Variants in PPM1D observed in about 807,000 individuals in gnomAD.
PPM1D encodes the protein protein phosphatase, Mg2+/Mn2+ dependent 1D.
Under a neutral mutation model 58.3 loss-of-function variants are expected in PPM1D, and 52 were observed. The observed-to-expected ratio is 0.89, with a 90% CI of 0.71 to 1.12. The LOEUF is 1.12. Among genes scored for constraint, PPM1D ranks in the 50% most tolerant of loss-of-function variants. PPM1D has a pLI of 0.00. For missense variants in PPM1D, 564 were observed against 777.2 expected, an observed-to-expected ratio of 0.73 and a Z score of 3.26; for synonymous variants, 278 against 285.1, an observed-to-expected ratio of 0.98 and a Z score of 0.25.
chr17:60,657,229 G>A (rs1436818973), intron 5 of PPM1D: 2 of 535,970 alleles, frequency 3.7e-6, no homozygotes, highest in Non-Finnish European at 4.8e-6. Context: ...GTCTAAACAA[G>A]GTCATAGAGA....
chr17:60,645,108 C>T (rs1418525555), intron 3 of PPM1D, among the ~76,000 whole-genome samples: 1 of 152,164 alleles, frequency 6.6e-6, no homozygotes, highest in African/African-American at 2.4e-5. Context: ...AATCCTAGCA[C>T]TTTGGGAAGC....
At chr17:60,652,555 T>G (rs1044117072) in intron 4 of PPM1D, among the ~76,000 whole-genome samples, 11 of 139,820 alleles carry the variant, frequency 7.9e-5, no homozygotes, top group Admixed American at 1.4e-4. Context: ...CTTCTGTTTT[T>G]TTTTTTTTTT....
chr17:60,662,866 C>T (rs1218690677), intron 5 of PPM1D, 129 bp from the exon 6 acceptor site: 8 of 796,412 alleles, frequency 1.0e-5, no homozygotes, highest in African/African-American at 3.5e-5. Flanking sequence ...AGAAGGTGAA[C>T]GAATTAGTGA....
chr17:60,621,563 ATTT>A (rs775950363), intron 1 of PPM1D, among the ~76,000 whole-genome samples: 1 of 96,118 alleles, frequency 1.0e-5, no homozygotes, highest in Non-Finnish European at 2.2e-5. Context: ...TATTTTTTGT[ATTT>A]TTTTTTTTTT....
intron 4 of PPM1D, among the ~76,000 whole-genome samples, chr17:60,656,281 G>A (rs865933939): frequency 6.6e-5 from 10 of 150,558 alleles, no homozygotes; most frequent in East Asian, 2.0e-4. Flanking sequence ...GTGAAATCCC[G>A]TCTCTACTAA....
chr17:60,643,883 CTTTTTTTT>C (rs71148308), intron 3 of PPM1D, among the ~76,000 whole-genome samples: 31 of 97,748 alleles, frequency 3.2e-4, no homozygotes, highest in Non-Finnish European at 5.1e-4. Context: ...CTTTTCTTTT[CTTTTTTTT>C]TTTTTTTTTT....
chr17:60,656,470 AAAG>A (rs1240371448), intron 4 of PPM1D, 126 bp from the exon 5 acceptor site: 1 of 1,314,486 alleles, frequency 7.6e-7, no homozygotes, highest in Admixed American at 2.9e-5. Flanking sequence ...AAAAAAGAGA[AAAG>A]AAAAAAAAAA....
At chr17:60,602,600 T>A (rs1266841693) in intron 1 of PPM1D, among the ~76,000 whole-genome samples, 1 of 152,022 alleles carries the variant, frequency 6.6e-6, no homozygotes, top group Non-Finnish European at 1.5e-5. Context: ...GAACATTTTT[T>A]AATAAAGCAG....
Position 60,663,183 on chromosome 17 carries a change from T to C in PPM1D, c.1449T>C (p.Thr483=). Residue 483 remains threonine (T), a synonymous_variant, in exon 6 of 6, where the codon ACT becomes ACC. Transcript: ENST00000305921. ...AAGAAAATTGCGCTAAAGCCCTGAC[T>C]TTAAGGATACATGATTCTTTGAATA... The part of the protein sequence containing the change: ...PLEENCAKAL[T]LRIHDSLNNS... 6.2e-7 allele frequency: 1 copy of C among 1,614,150 alleles called. No homozygotes were observed. Among genetic ancestry groups the C allele is most frequent in the Non-Finnish European group, 8.5e-7 (1 of 1,179,974 alleles).
At chr17:60,611,361 A>C (rs575172237) in intron 1 of PPM1D, among the ~76,000 whole-genome samples, 1 of 151,888 alleles carries the variant, frequency 6.6e-6, no homozygotes, top group Non-Finnish European at 1.5e-5. Context: ...TTTTTTGCCC[A>C]TGTTAACACT....
At chr17:60,612,664 G>A (rs1462346007) in intron 1 of PPM1D, among the ~76,000 whole-genome samples, 1 of 152,036 alleles carries the variant, frequency 6.6e-6, no homozygotes, top group African/African-American at 2.4e-5. Context: ...AAAAAGATCA[G>A]AAACCCGGAT....
chr17:60,651,091 C>T (rs1658108947), intron 4 of PPM1D, among the ~76,000 whole-genome samples: 1 of 152,074 alleles, frequency 6.6e-6, no homozygotes. Context: ...TAGGGGGACT[C>T]AAGTCAGCAG....
At chr17:60,644,451 A>AT (rs2031197735) in intron 3 of PPM1D, among the ~76,000 whole-genome samples, 1 of 152,182 alleles carries the variant, frequency 6.6e-6, no homozygotes, top group Non-Finnish European at 1.5e-5. Flanking sequence ...ATGATCCTTG[A>AT]ATGGATCCTG....
chr17:60,637,834 A>G (rs2143682952), intron 3 of PPM1D, among the ~76,000 whole-genome samples: 1 of 152,304 alleles, frequency 6.6e-6, no homozygotes, highest in East Asian at 1.9e-4. Context: ...AACAAGGTAA[A>G]ACAACTAACA....
Position 60,663,294 on chromosome 17 carries a change from A to G in PPM1D, c.1560A>G (p.Gln520=), listed in dbSNP as rs771108828. 4 of 1,614,216 alleles carry G rather than the reference A, an allele frequency of 2.5e-6. No homozygotes were observed. Among genetic ancestry groups the G allele is most frequent in the East Asian group, 4.5e-5 (2 of 44,886 alleles). The change falls in exon 6 of 6, where the codon CAA becomes CAG. Residue 520 remains glutamine, a synonymous_variant. Coordinates refer to ENST00000305921, the MANE Select transcript of PPM1D (RefSeq NM_003620.4). ...QKNLKMSTPG[Q]MKAQEIERTP... is the part of the protein sequence containing the mutation. ...ATTTGAAGATGTCAACTCCTGGCCA[A>G]ATGAAAGCCCAAGAAATTGAAAGAA...
At chr17:60,622,753 A>G (rs912011726) in intron 1 of PPM1D, among the ~76,000 whole-genome samples, 2 of 152,206 alleles carry the variant, frequency 1.3e-5, no homozygotes, top group African/African-American at 4.8e-5. Flanking sequence ...CAGTGAATAT[A>G]CTCAGTAAAT....
intron 4 of PPM1D, among the ~76,000 whole-genome samples, chr17:60,653,733 A>T (rs1023358173): frequency 6.6e-6 from 1 of 152,120 alleles, no homozygotes; most frequent in African/African-American, 2.4e-5. Flanking sequence ...GTTTTCCTTT[A>T]TAGATCTTTC....
chr17:60,618,160 T>C (rs551492496), intron 1 of PPM1D, among the ~76,000 whole-genome samples: 2 of 152,324 alleles, frequency 1.3e-5, no homozygotes, highest in South Asian at 2.1e-4. Flanking sequence ...ATTATTGTTT[T>C]AGAGACAGGG....
chr17:60,600,546 G>A lies in PPM1D; in HGVS notation c.132G>A (p.Ser44=), dbSNP rs1422977168. ...TAEEKPSPRR[S]LSQPLPPRPS... Reference sequence around the variant, plus strand: ...AAGAAAAGCCCTCGCCGCGGCGGTCGCTGTCTCAGCCGTTGCCTCCGCGGC... The same window carrying A: ...AAGAAAAGCCCTCGCCGCGGCGGTCACTGTCTCAGCCGTTGCCTCCGCGGC... The change falls in exon 1 of 6, where the codon TCG becomes TCA. Residue 44 remains serine (S), a synonymous_variant. Coordinates refer to ENST00000305921, the MANE Select transcript of PPM1D (RefSeq NM_003620.4). 6.4e-7 allele frequency: 1 copy of A among 1,553,556 alleles called. No individual in the cohort carries two copies. Among genetic ancestry groups the A allele is most frequent in the African/African-American group, 1.4e-5 (1 of 73,318 alleles).
Sources: gnomAD v4.1 joint callset for allele counts (sites outside exome capture counted in the v4.1 genomes callset) on GRCh38, gnomAD v4.1.1 for gene constraint, MANE v1.5 for transcripts, NCBI Gene and HGNC (gene_info 2026-07-23, HGNC 2026-07-21) for gene names.